Variants in UBE2U observed in about 807,000 individuals in gnomAD.
UBE2U encodes the protein ubiquitin conjugating enzyme E2 U.
UBE2U carries 39 observed loss-of-function variants against 41.2 expected under a neutral mutation model. The observed-to-expected ratio is 0.95, with a 90% CI of 0.73 to 1.24. The LOEUF (loss-of-function observed/expected upper bound fraction) is 1.24. UBE2U is among the 50% of genes most tolerant of loss of function. The probability of loss-of-function intolerance (pLI) is 0.00; values close to 1 mark genes in which losing one functional copy is unlikely to be tolerated. For missense variants in UBE2U, 336 were observed against 363.1 expected, an observed-to-expected ratio of 0.93 and a Z score of 0.61; for synonymous variants, 107 against 117.8, an observed-to-expected ratio of 0.91 and a Z score of 0.60.
intron 9 of UBE2U, 100 bp downstream of exon 9, chr1:64,260,794 A>T: frequency 1.1e-6 from 1 of 870,396 alleles, no homozygotes; most frequent in Non-Finnish European, 1.8e-6. Context: ...GTTGGAATAT[A>T]TGAGGGCTAA....
intron 7 of UBE2U, among the ~76,000 whole-genome samples, chr1:64,239,721 G>A (rs1644802087): frequency 6.6e-6 from 1 of 152,066 alleles, no homozygotes; most frequent in Non-Finnish European, 1.5e-5. Context: ...TGGCTGCATA[G>A]TATTCCATGG....
In UBE2U at chr1:64,267,030, T is replaced by C; in HGVS notation, c.776T>C (p.Ile259Thr). The C allele has an allele frequency of 6.5e-7, 1 of 1,547,654 alleles. No homozygotes were observed. Among genetic ancestry groups the C allele is most frequent in the Non-Finnish European group, 8.7e-7 (1 of 1,146,390 alleles). The change falls in exon 10 of 10, where the codon ATT becomes ACT. Residue 259 changes from isoleucine (I) to threonine (T), a missense_variant. By Grantham distance (89) the Ile-to-Thr change is moderately conservative. Coordinates refer to ENST00000371077, the MANE Select transcript of UBE2U (RefSeq NM_001366232.2). ...EIKLCPTLNE[I>T]FLESPTAINS... ...TTTATAATTCCCACCACAGATGAAA[T>C]TTTTCTTGAGTCACCAACTGCAATA... is the stretch of plus-strand genomic sequence containing the variant.
At chr1:64,243,750 T>A (rs1644873338) in intron 8 of UBE2U, among the ~76,000 whole-genome samples, 1 of 152,184 alleles carries the variant, frequency 6.6e-6, no homozygotes. Flanking sequence ...ACCTAAGACC[T>A]CCTTACCACG....
At chr1:64,229,761 T>C (rs1644517089) in intron 6 of UBE2U, among the ~76,000 whole-genome samples, 2 of 152,244 alleles carry the variant, frequency 1.3e-5, no homozygotes, top group Admixed American at 1.3e-4. Flanking sequence ...CTTTCTTTCA[T>C]TGGCTCCTCT....
intron 6 of UBE2U, among the ~76,000 whole-genome samples, chr1:64,227,461 A>G (rs1282597821): frequency 1.3e-5 from 2 of 152,214 alleles, no homozygotes; most frequent in Admixed American, 6.6e-5. Flanking sequence ...AAAATTAACT[A>G]TGTTTCTATA....
intron 8 of UBE2U, among the ~76,000 whole-genome samples, chr1:64,258,690 A>G (rs4915961): frequency 0.17 from 25,839 of 152,094 alleles, 2,872 homozygotes; most frequent in Non-Finnish European, 0.24. Context: ...CATGGTATAT[A>G]TGTGCCACAT....
chr1:64,216,365 C>G (rs776476699), intron 5 of UBE2U, among the ~76,000 whole-genome samples: 7 of 152,190 alleles, frequency 4.6e-5, no homozygotes, highest in Non-Finnish European at 7.3e-5. Context: ...CTTGGAACCT[C>G]ACATTTCTAA....
At chr1:64,237,220 G>T (rs1463330547) in intron 7 of UBE2U, among the ~76,000 whole-genome samples, 1 of 147,112 alleles carries the variant, frequency 6.8e-6, no homozygotes, top group African/African-American at 2.5e-5. Context: ...GGTACTATTG[G>T]TTTTTTTGGA....
At chr1:64,245,828 C>G in intron 8 of UBE2U, among the ~76,000 whole-genome samples, 1 of 152,148 alleles carries the variant, frequency 6.6e-6, no homozygotes, top group East Asian at 1.9e-4. Context: ...CCCCCAACCC[C>G]TGACGCCCCA....
intron 7 of UBE2U, among the ~76,000 whole-genome samples, chr1:64,237,451 G>A (rs889252271): frequency 6.6e-5 from 10 of 152,224 alleles, no homozygotes; most frequent in East Asian, 1.9e-4. Flanking sequence ...GCAAGATATC[G>A]TAGTGATGAA....
chr1:64,218,575 C>T (rs1432279274), intron 5 of UBE2U, among the ~76,000 whole-genome samples: 1 of 152,186 alleles, frequency 6.6e-6, no homozygotes, highest in East Asian at 1.9e-4. Flanking sequence ...GCATTTACCA[C>T]CACATTTCTA....
intron 8 of UBE2U, among the ~76,000 whole-genome samples, chr1:64,258,589 G>A (rs545699699): frequency 6.6e-6 from 1 of 150,384 alleles, no homozygotes; most frequent in Admixed American, 6.7e-5. Context: ...TTCTGTCCTT[G>A]TGACAGTTTG....
intron 7 of UBE2U, among the ~76,000 whole-genome samples, chr1:64,240,450 A>T (rs115189788): frequency 6.6e-6 from 1 of 152,182 alleles, no homozygotes; most frequent in African/African-American, 2.4e-5. Context: ...GGAAACTCAC[A>T]GCAGTCAGAT....
chr1:64,210,910 T>G, intron 4 of UBE2U, 71 bp downstream of exon 4: 1 of 1,073,500 alleles, frequency 9.3e-7, no homozygotes, highest in Non-Finnish European at 1.3e-6. Context: ...CTACAAGGAT[T>G]AAAATATACA....
Position 64,203,989 on chromosome 1 carries a change from C to T in UBE2U, c.-62C>T. ...TGGGAAAGTGACCCATAACTTCAAACATCTGCCTCAGAGTAAACCTGAGGC... is the reference window on the plus strand; with the variant it reads ...TGGGAAAGTGACCCATAACTTCAAATATCTGCCTCAGAGTAAACCTGAGGC... On this transcript the variant is annotated 5_prime_UTR_variant, in exon 1 of 10. Transcript: ENST00000371077. The T allele has an allele frequency of 6.6e-7, 1 of 1,514,100 alleles. No homozygotes were observed. The highest frequency in any genetic ancestry group is 9.1e-7 in the Non-Finnish European group (1 of 1,099,794). 93.8% of individuals were successfully genotyped at this position (1,514,100 alleles called of 1,614,324 possible). A position where few individuals can be genotyped will look rare whatever the true frequency, so the allele number is the denominator to read the frequency against.
chr1:64,214,327 A>G (rs1401878847), intron 4 of UBE2U, among the ~76,000 whole-genome samples: 1 of 152,196 alleles, frequency 6.6e-6, no homozygotes, highest in African/African-American at 2.4e-5. Flanking sequence ...TTTTAAATGT[A>G]AATAACCACC....
rs142114995 is a variant in UBE2U at position 64,225,039 on chromosome 1, A to C, written c.506+4132A>C. On this transcript the variant is annotated intron_variant, in intron 6 of 9. Coordinates refer to ENST00000371077, the MANE Select transcript of UBE2U (RefSeq NM_001366232.2). The stretch of plus-strand genomic sequence containing the variant: ...TTCCATTTACTATGTGACTAAGAAA[A>C]GTTAATTTCTCTGTGTCTCAGTTTC... Among the ~76,000 whole-genome samples the C allele has an allele frequency of 7.9e-3, 1,199 of 152,262 alleles. 15 individuals are homozygous for C. Among genetic ancestry groups the C allele is most frequent in the African/African-American group, 0.027 (1,140 of 41,532 alleles).
intron 4 of UBE2U, among the ~76,000 whole-genome samples, chr1:64,211,274 T>G (rs1455960436): frequency 6.6e-6 from 1 of 152,200 alleles, no homozygotes; most frequent in East Asian, 1.9e-4. Context: ...TTTCTGACAG[T>G]GCTAGTTAGC....
At chr1:64,256,299 C>A in intron 8 of UBE2U, among the ~76,000 whole-genome samples, 1 of 152,032 alleles carries the variant, frequency 6.6e-6, no homozygotes, top group Non-Finnish European at 1.5e-5. Flanking sequence ...AAAAAAGAAC[C>A]CAAGTAGCCA....
Sources: allele counts gnomAD v4.1 joint callset (sites outside exome capture counted in the v4.1 genomes callset), GRCh38; gene constraint gnomAD v4.1.1; transcripts MANE v1.5; gene names NCBI Gene and HGNC (gene_info 2026-07-23, HGNC 2026-07-21).